Variants in AFTPH observed in about 807,000 individuals in gnomAD.
AFTPH encodes the protein aftiphilin protein.
AFTPH carries 7 observed loss-of-function variants against 72.5 expected under a neutral mutation model. The ratio of observed to expected loss-of-function variants is 0.10; its 90% CI spans 0.05 to 0.18. The LOEUF (loss-of-function observed/expected upper bound fraction) is 0.18. Ranked by LOEUF, AFTPH falls within the 10% of genes least tolerant of loss-of-function variation. The probability of loss-of-function intolerance (pLI) is 1.00; values close to 1 mark genes in which losing one functional copy is unlikely to be tolerated. For missense variants in AFTPH, 979 were observed against 1,060.5 expected (o/e 0.92, Z 1.07); for synonymous variants, 337 against 370.1 (o/e 0.91, Z 1.03).
rs143966556 is a variant in AFTPH, at chr2:64,528,762, G to A, written c.-33+4150G>A. Among the ~76,000 whole-genome samples the A allele has an allele frequency of 1.1e-4, 17 of 152,266 alleles. No homozygotes were observed. In the East Asian group the frequency reaches 3.1e-3, roughly 28 times the overall value. The stretch of plus-strand genomic sequence containing the variant: ...AACAAGTAGAAGAGTAGTACAAATT[G>A]TGATCAGAGTTAGAGGGTGAGAGGG... On this transcript the variant is annotated intron_variant, in intron 1 of 8. Transcript: ENST00000238856.
exon 9 of AFTPH, chr2:64,592,246 G>A (rs12987864): frequency 0.15 from 60,060 of 409,372 alleles, 4,754 homozygotes; most frequent in Middle Eastern, 0.24. Flanking sequence ...GTAAATAATC[G>A]GGGGTAAACA....
chr2:64,584,760 C>A (rs912594307), intron 7 of AFTPH, among the ~76,000 whole-genome samples: 2 of 152,026 alleles, frequency 1.3e-5, no homozygotes, highest in Non-Finnish European at 2.9e-5. Context: ...CCATGCCCGG[C>A]TAATTTTTTG....
At chr2:64,533,346 C>T (rs1669728315) in intron 1 of AFTPH, among the ~76,000 whole-genome samples, 1 of 152,142 alleles carries the variant, frequency 6.6e-6, no homozygotes, top group Admixed American at 6.5e-5. Context: ...CTGCAGTGAG[C>T]TGAGATCACA....
At chr2:64,592,771 C>T (rs1486199059) in exon 9 of AFTPH, 1 of 152,474 alleles carries the variant, frequency 6.6e-6, no homozygotes, top group African/African-American at 2.4e-5. Context: ...TATTGTACCA[C>T]TATTTTTTGA....
intron 2 of AFTPH, among the ~76,000 whole-genome samples, chr2:64,559,747 C>G (rs1434516279): frequency 6.6e-6 from 1 of 152,130 alleles, no homozygotes; most frequent in Non-Finnish European, 1.5e-5. Context: ...TTCCGTTGCC[C>G]AGCCTGGAGT....
At chr2:64,575,870 C>G (rs909805394) in intron 6 of AFTPH, among the ~76,000 whole-genome samples, 3 of 151,818 alleles carry the variant, frequency 2.0e-5, no homozygotes, top group Admixed American at 1.3e-4. Context: ...TCCCACGTAG[C>G]TGGGACTACA....
At chr2:64,554,389 CAATT>C (rs1671236825) in intron 2 of AFTPH, among the ~76,000 whole-genome samples, 1 of 152,166 alleles carries the variant, frequency 6.6e-6, no homozygotes, top group African/African-American at 2.4e-5. Context: ...CTTATACTGA[CAATT>C]GATATATGTA....
At chr2:64,592,927 T>G (rs1450577138) in exon 9 of AFTPH, 2 of 152,688 alleles carry the variant, frequency 1.3e-5, no homozygotes, top group Non-Finnish European at 2.9e-5. Flanking sequence ...AAGGTTAATG[T>G]GCATGCCCAA....
intron 1 of AFTPH, among the ~76,000 whole-genome samples, chr2:64,531,451 T>G (rs1158962013): frequency 1.3e-5 from 2 of 152,230 alleles, no homozygotes; most frequent in East Asian, 3.8e-4. Context: ...GTGGAATGTT[T>G]GCATAATTTA....
exon 6 of AFTPH, chr2:64,573,010 T>C (rs1672538268): frequency 6.2e-7 from 1 of 1,614,100 alleles, no homozygotes; most frequent in East Asian, 2.2e-5. Context: ...ATAGCTTCCA[T>C]CGGTCAGACA....
intron 8 of AFTPH, among the ~76,000 whole-genome samples, chr2:64,589,720 C>A (rs1344008884): frequency 1.8e-4 from 28 of 152,116 alleles, no homozygotes; most frequent in Non-Finnish European, 2.1e-4. Context: ...TTCCTACACC[C>A]AAACTGCACT....
At chr2:64,548,563 A>G (rs1032695395) in intron 1 of AFTPH, among the ~76,000 whole-genome samples, 2 of 152,158 alleles carry the variant, frequency 1.3e-5, no homozygotes, top group African/African-American at 4.8e-5. Flanking sequence ...TTTGCATAGT[A>G]CAACCATATT....
rs199877858 is a variant in AFTPH, at chr2:64,569,604, C to G, written c.2215-19C>G. The G allele has an allele frequency of 1.2e-6, 2 of 1,611,942 alleles. No individual in the cohort carries two copies. The highest frequency in any genetic ancestry group is 1.7e-6 in the Non-Finnish European group (2 of 1,178,318). The stretch of plus-strand genomic sequence containing the variant: ...ATTATTCTCTAAATATATGTTCTTT[C>G]TGTCTAACGTGTGTGTAGCTCTTCA... On this transcript the variant is annotated intron_variant, in intron 4 of 8. Coordinates refer to ENST00000238856, the Ensembl canonical transcript of AFTPH.
At chr2:64,582,370 T>C (rs1258751575) in intron 7 of AFTPH, among the ~76,000 whole-genome samples, 6 of 152,168 alleles carry the variant, frequency 3.9e-5, no homozygotes, top group Admixed American at 3.9e-4. Context: ...CTTCTTGAGA[T>C]CTGGTTATGC....
intron 6 of AFTPH, among the ~76,000 whole-genome samples, chr2:64,576,186 TATATATATATAAC>T (rs747989171): frequency 1.3e-4 from 19 of 147,338 alleles, no homozygotes; most frequent in African/African-American, 4.0e-4. Context: ...TACATATACA[TATATATATATAAC>T]ATATATATAT....
At chr2:64,566,774 T>TAA (rs200436619) in intron 2 of AFTPH, among the ~76,000 whole-genome samples, 259 of 144,862 alleles carry the variant, frequency 1.8e-3, no homozygotes, top group African/African-American at 6.2e-3. Flanking sequence ...AAAAATACTT[T>TAA]AAAAAAAAAA....
At chr2:64,530,722 C>G (rs950463135) in intron 1 of AFTPH, among the ~76,000 whole-genome samples, 1 of 152,074 alleles carries the variant, frequency 6.6e-6, no homozygotes, top group African/African-American at 2.4e-5. Context: ...CTTTCTTTTA[C>G]TTATTAAATT....
intron 1 of AFTPH, among the ~76,000 whole-genome samples, chr2:64,527,175 G>A (rs981548631): frequency 1.3e-5 from 2 of 152,146 alleles, no homozygotes; most frequent in African/African-American, 2.4e-5. Context: ...AAAAAAATCC[G>A]AAGTTGACTT....
At chr2:64,559,261 A>G (rs1007198174) in intron 2 of AFTPH, among the ~76,000 whole-genome samples, 4 of 152,112 alleles carry the variant, frequency 2.6e-5, no homozygotes, top group African/African-American at 4.8e-5. Flanking sequence ...AACAGAACCA[A>G]TAGGGTATGT....
Sources: gnomAD v4.1 joint callset for allele counts (sites outside exome capture counted in the v4.1 genomes callset) on GRCh38, gnomAD v4.1.1 for gene constraint, MANE v1.5 for transcripts, NCBI Gene and HGNC (gene_info 2026-07-23, HGNC 2026-07-21) for gene names.